RABGAP1: variants seen among roughly 807,000 people sequenced by gnomAD.
RABGAP1 encodes the protein rab GTPase-activating protein 1.
A neutral mutation model predicts 137.6 loss-of-function variants in RABGAP1; 23 were observed. The observed-to-expected ratio is 0.17, with a 90% confidence interval of 0.12 to 0.24. The LOEUF (loss-of-function observed/expected upper bound fraction) is 0.24, where lower values mean the gene tolerates loss of function less well. Ranked by LOEUF, RABGAP1 falls within the 10% of genes least tolerant of loss-of-function variation. The pLI is 1.00. For synonymous variants in RABGAP1, 451 were observed against 450.7 expected (o/e 1.00, Z -0.01); for missense variants, 906 against 1,275.8 (o/e 0.71, Z 4.42).
At chr9:123,012,627 T>C (rs564148972) in intron 11 of RABGAP1, among the ~76,000 whole-genome samples, 15 of 152,348 alleles carry the variant, frequency 9.8e-5, no homozygotes, top group Non-Finnish European at 1.9e-4. Flanking sequence ...AATGGCAGTG[T>C]GTACCCCTTG....
intron 10 of RABGAP1, among the ~76,000 whole-genome samples, chr9:123,007,334 C>G (rs1019647121): frequency 6.7e-6 from 1 of 149,964 alleles, no homozygotes; most frequent in African/African-American, 2.4e-5. Flanking sequence ...CTAGGCCTCC[C>G]AAATTGCTGG....
chr9:122,950,330 A>T (rs919750776), intron 1 of RABGAP1, among the ~76,000 whole-genome samples: 4 of 150,888 alleles, frequency 2.7e-5, no homozygotes, highest in Non-Finnish European at 5.9e-5. Context: ...AGGAGGAGTC[A>T]AGATTTGTTT....
intron 19 of RABGAP1, among the ~76,000 whole-genome samples, chr9:123,083,842 C>CG (rs1310647732): frequency 6.6e-6 from 1 of 152,168 alleles, no homozygotes; most frequent in African/African-American, 2.4e-5. Context: ...CCCTCAAATA[C>CG]GAGTGTTCTT....
chr9:123,006,433 T>C (rs2030270929), intron 10 of RABGAP1, among the ~76,000 whole-genome samples: 1 of 152,204 alleles, frequency 6.6e-6, no homozygotes, highest in Non-Finnish European at 1.5e-5. Flanking sequence ...GGCTATTCTC[T>C]TGTCCCAACA....
chr9:123,003,166 A>G (rs1039133009), intron 10 of RABGAP1, among the ~76,000 whole-genome samples: 1 of 152,224 alleles, frequency 6.6e-6, no homozygotes, highest in African/African-American at 2.4e-5. Flanking sequence ...GGCATTAAAA[A>G]GTATTTGAGG....
intron 25 of RABGAP1, among the ~76,000 whole-genome samples, chr9:123,102,273 C>T (rs2035367971): frequency 6.6e-6 from 1 of 152,188 alleles, no homozygotes; most frequent in African/African-American, 2.4e-5. Flanking sequence ...CTATCTGAGC[C>T]TCCTTTCCTG....
chr9:122,942,669 CAAAAAAAAAA>C (rs10660327), intron 1 of RABGAP1, among the ~76,000 whole-genome samples: 1 of 90,342 alleles, frequency 1.1e-5, no homozygotes, highest in Admixed American at 1.3e-4. Flanking sequence ...GACTCCGTCT[CAAAAAAAAAA>C]AAAAAAAAAC....
intron 13 of RABGAP1, among the ~76,000 whole-genome samples, chr9:123,033,260 T>C (rs761775276): frequency 6.6e-6 from 1 of 152,166 alleles, no homozygotes; most frequent in African/African-American, 2.4e-5. Flanking sequence ...ATATTGCTCT[T>C]TGTTCTTTGG....
At chr9:122,983,176 A>C (rs75950082) in intron 2 of RABGAP1, among the ~76,000 whole-genome samples, 2,423 of 152,162 alleles carry the variant, frequency 0.016, 37 homozygotes, top group South Asian at 0.067. Context: ...CAAAAAAAAA[A>C]AAAACAAAAA....
chr9:123,069,601 C>G (rs1295450919), intron 14 of RABGAP1, among the ~76,000 whole-genome samples: 1 of 151,436 alleles, frequency 6.6e-6, no homozygotes, highest in Non-Finnish European at 1.5e-5. Context: ...GCAGTGTGGG[C>G]CAGGCACACT....
At chr9:122,989,714 AG>A (rs1437027877) in intron 5 of RABGAP1, 1 of 557,734 alleles carries the variant, frequency 1.8e-6, no homozygotes, top group Non-Finnish European at 3.1e-6. Flanking sequence ...TGGGTTAAGT[AG>A]GCATTCTGGT....
chr9:122,934,070 T>C, the RABGAP1 span, among the ~76,000 whole-genome samples: 5 of 150,690 alleles, frequency 3.3e-5, no homozygotes, highest in Non-Finnish European at 7.4e-5. Context: ...CCTAACCTTT[T>C]CTTTTCTTTT....
intron 18 of RABGAP1, 34 bp from the exon 19 acceptor site, chr9:123,076,600 C>A: frequency 1.3e-6 from 2 of 1,568,182 alleles, no homozygotes; most frequent in Non-Finnish European, 1.7e-6. Context: ...TATAGCAACA[C>A]ATTTTTTCTA....
At chr9:122,933,184 C>A in the RABGAP1 span, among the ~76,000 whole-genome samples, 1 of 152,030 alleles carries the variant, frequency 6.6e-6, no homozygotes. Flanking sequence ...TTGTAGTCTC[C>A]CACTATTATT....
In RABGAP1 at chr9:123,043,928, TCTCA is replaced by T. The variant is rs2033080432; in HGVS notation, c.1795-21415_1795-21412del. Among the ~76,000 whole-genome samples, 4 of 142,390 alleles carry T rather than the reference TCTCA, an allele frequency of 2.8e-5. No homozygotes were observed. In the South Asian group the frequency reaches 8.9e-4, roughly 32 times the overall value. The allele number at this position is 142,390 out of a possible 152,430, so 93.4% of individuals were successfully genotyped here. A position where few individuals can be genotyped will look rare whatever the true frequency, so the allele number is the denominator to read the frequency against. On this transcript the variant is annotated intron_variant, in intron 13 of 25. Coordinates refer to ENST00000373647, the MANE Select transcript of RABGAP1 (RefSeq NM_012197.4). ...TTTTTTTTTTTTTTTTGAGACGGAG[TCTCA>T]CTCAGTCACCCAGGCTGGAGTGCAA... is the stretch of plus-strand genomic sequence containing the variant.
At chr9:123,006,016 A>G (rs2030228291) in intron 10 of RABGAP1, among the ~76,000 whole-genome samples, 1 of 152,124 alleles carries the variant, frequency 6.6e-6, no homozygotes, top group Non-Finnish European at 1.5e-5. Context: ...TTTTCTATTC[A>G]TATCTTTTGC....
intron 12 of RABGAP1, among the ~76,000 whole-genome samples, chr9:123,019,425 C>T (rs771413506): frequency 1.3e-5 from 2 of 149,248 alleles, no homozygotes; most frequent in Non-Finnish European, 3.0e-5. Context: ...TAGGCTCAAG[C>T]GATCTTCTTG....
intron 13 of RABGAP1, chr9:123,034,491 G>A (rs2032499513): frequency 5.6e-6 from 5 of 886,918 alleles, no homozygotes; most frequent in Non-Finnish European, 7.1e-6. Context: ...TGACCGCAAT[G>A]ACAGCAGCTG....
chr9:123,100,383 A>ATGTGTGTGTGTG (rs56811028), intron 24 of RABGAP1, among the ~76,000 whole-genome samples: 16 of 136,570 alleles, frequency 1.2e-4, no homozygotes, highest in East Asian at 4.6e-4. Context: ...GTTTAACCAG[A>ATGTGTGTGTGTG]TGTGTGTGTG....
Sources: allele counts gnomAD v4.1 joint callset (sites outside exome capture counted in the v4.1 genomes callset), GRCh38; gene constraint gnomAD v4.1.1; transcripts MANE v1.5; gene names NCBI Gene and HGNC (gene_info 2026-07-23, HGNC 2026-07-21).